The following NSUN6 variants were observed in gnomAD, a reference collection of about 807,000 sequenced individuals.
The protein encoded by NSUN6 is NOP2/Sun RNA methyltransferase 6, also known as tRNA (cytosine(72)-C(5))-methyltransferase NSUN6.
Under a neutral mutation model 58.0 loss-of-function variants are expected in NSUN6, and 64 were observed. That is an observed-to-expected ratio of 1.10 (90% CI 0.90 to 1.36). The LOEUF is 1.36. Among genes scored for constraint, NSUN6 ranks in the 40% most tolerant of loss-of-function variants. NSUN6 has a pLI of 0.00. For synonymous variants in NSUN6, 231 were observed against 193.9 expected, an observed-to-expected ratio of 1.19 and a Z score of -1.59; for missense variants, 701 against 550.1, an observed-to-expected ratio of 1.27 and a Z score of -2.74.
At chr10:18,555,766 A>G (rs2054957273) in intron 8 of NSUN6, among the ~76,000 whole-genome samples, 2 of 147,400 alleles carry the variant, frequency 1.4e-5, no homozygotes, top group South Asian at 4.4e-4. Context: ...GAGAATGGAA[A>G]AGAGCGGAAT....
At chr10:18,655,825 G>A (rs1339952391), upstream of NSUN6, among the ~76,000 whole-genome samples, 3 of 152,170 alleles carry the variant, frequency 2.0e-5, no homozygotes, top group Non-Finnish European at 2.9e-5. Context: ...TACAAGCTTT[G>A]AAGTACCTGT....
intron 6 of NSUN6, among the ~76,000 whole-genome samples, chr10:18,601,480 C>T (rs1171956579): frequency 6.6e-6 from 1 of 151,652 alleles, no homozygotes; most frequent in Non-Finnish European, 1.5e-5. Flanking sequence ...CTCCCTTTAA[C>T]CTCAAAGCTC....
chr10:18,588,526 G>C (rs940357404), intron 7 of NSUN6, among the ~76,000 whole-genome samples: 1 of 152,210 alleles, frequency 6.6e-6, no homozygotes, highest in Non-Finnish European at 1.5e-5. Flanking sequence ...TCATGCAGGA[G>C]AGTTCCAGCT....
chr10:18,640,995 A>C (rs2059376250), intron 3 of NSUN6, among the ~76,000 whole-genome samples: 1 of 152,134 alleles, frequency 6.6e-6, no homozygotes, highest in African/African-American at 2.4e-5. Context: ...TTTACATGTA[A>C]ATAAATATAC....
rs773043291 is a variant in NSUN6 at position 18,648,485 on chromosome 10, C to A, written c.231+5G>T. ...ATGTACAAATGACAGAAAATTTCCA[C>A]AAACCTTCTGAAGTTCATCAAGTAA... On this transcript the variant is annotated splice_donor_5th_base_variant and intron_variant, in intron 2 of 10. Transcript: ENST00000377304. The A allele has an allele frequency of 4.4e-6, 7 of 1,580,648 alleles. No individual in the cohort carries two copies. Among genetic ancestry groups the A allele is most frequent in the Non-Finnish European group, 6.0e-6 (7 of 1,157,918 alleles).
In NSUN6 at chr10:18,563,167, T is replaced by A. The variant is rs575382426; in HGVS notation, c.923-11196A>T. 8.9e-5 allele frequency among the ~76,000 whole-genome samples: 8 copies of A among 90,284 alleles called. No homozygotes were observed. In the Admixed American group the frequency reaches 9.6e-4, roughly 11 times the overall value. The allele number at this position is 90,284 out of a possible 152,430, so 59.2% of individuals were successfully genotyped here. ...ATGGAGAGTGGAACAAAATGGAGAA[T>A]GGAATGGAATGGAGAATGGTATGGA... is the stretch of plus-strand genomic sequence containing the variant. On this transcript the variant is annotated intron_variant, in intron 8 of 10. Transcript: ENST00000377304.
chr10:18,558,926 T>A (rs540124660), intron 8 of NSUN6, among the ~76,000 whole-genome samples: 1 of 150,252 alleles, frequency 6.7e-6, no homozygotes, highest in African/African-American at 2.5e-5. Flanking sequence ...GAATTGAGAA[T>A]GGACTGGACA....
chr10:18,582,056 C>G (rs961918140), intron 8 of NSUN6, among the ~76,000 whole-genome samples: 2 of 152,102 alleles, frequency 1.3e-5, no homozygotes, highest in Non-Finnish European at 2.9e-5. Flanking sequence ...TCTTCCCTTA[C>G]CAGCCGAAAG....
intron 7 of NSUN6, among the ~76,000 whole-genome samples, chr10:18,589,766 T>C (rs1345827657): frequency 1.3e-5 from 2 of 152,002 alleles, no homozygotes; most frequent in African/African-American, 4.8e-5. Flanking sequence ...AAGCACTAAA[T>C]ATGGAAAGGA....
chr10:18,651,979 G>A, upstream of NSUN6: 20 of 985,370 alleles, frequency 2.0e-5, no homozygotes, highest in Non-Finnish European at 2.4e-5. Flanking sequence ...GAATTTGGGC[G>A]CATCAGCCAC....
intron 8 of NSUN6, among the ~76,000 whole-genome samples, chr10:18,562,092 G>A (rs575860521): frequency 6.7e-6 from 1 of 149,602 alleles, no homozygotes; most frequent in Non-Finnish European, 1.5e-5. Context: ...GGAGAATGGA[G>A]TGGAATGGAA....
At position 18,648,561 on chromosome 10, in the gene NSUN6, T is replaced by C. The variant is rs1433926130; in HGVS notation, c.160A>G (p.Thr54Ala). 6 of 1,606,114 alleles carry C rather than the reference T, an allele frequency of 3.7e-6. No individual in the cohort carries two copies. Among genetic ancestry groups the C allele is most frequent in the South Asian group, 1.1e-5 (1 of 90,868 alleles). ...GCTAAATGTGTATTCACTCTGACAG[T>C]TGTAAATGATGGAGGATGTGACAGG... ...KHLSHPPSFT[T>A]VRVNTHLASV... The change falls in exon 2 of 11, where the codon ACT becomes GCT. Residue 54 changes from threonine (T) to alanine (A), a missense_variant. Transcript: ENST00000377304.
intron 3 of NSUN6, among the ~76,000 whole-genome samples, chr10:18,638,821 G>A (rs1407706013): frequency 1.6e-4 from 24 of 151,896 alleles, no homozygotes; most frequent in East Asian, 1.9e-4. Flanking sequence ...CTAAGTGACT[G>A]TACTCACCAA....
intron 8 of NSUN6, among the ~76,000 whole-genome samples, chr10:18,554,027 T>C (rs1392471688): frequency 2.0e-5 from 3 of 149,990 alleles, no homozygotes; most frequent in Admixed American, 6.7e-5. Context: ...TGGAATGGCA[T>C]AGAGAATGAA....
upstream of NSUN6, chr10:18,652,554 A>G: frequency 2.1e-6 from 2 of 968,648 alleles, no homozygotes; most frequent in Non-Finnish European, 2.5e-6. Flanking sequence ...CAAGTTGTTT[A>G]TCATTTTCTC....
intron 8 of NSUN6, among the ~76,000 whole-genome samples, chr10:18,555,906 A>AGAATGGAATG (rs142462616): frequency 0.3 from 41,556 of 139,916 alleles, 6,540 homozygotes; most frequent in Non-Finnish European, 0.35. Context: ...AATGGAATGG[A>AGAATGGAATG]GAATGGAATG....
intron 3 of NSUN6, among the ~76,000 whole-genome samples, 168 bp from the exon 4 acceptor site, chr10:18,616,461 C>T (rs1227151370): frequency 1.3e-5 from 2 of 152,034 alleles, no homozygotes; most frequent in Non-Finnish European, 2.9e-5. Flanking sequence ...GAAAAAACAG[C>T]AACACGAAGA....
chr10:18,614,862 C>A (rs1223161734), intron 4 of NSUN6, among the ~76,000 whole-genome samples: 2 of 152,048 alleles, frequency 1.3e-5, no homozygotes, highest in Non-Finnish European at 2.9e-5. Context: ...AAACATCCTA[C>A]CCTCAACTGG....
At chr10:18,549,903 C>G (rs1435799528) in intron 9 of NSUN6, among the ~76,000 whole-genome samples, 1 of 152,170 alleles carries the variant, frequency 6.6e-6, no homozygotes, top group East Asian at 1.9e-4. Flanking sequence ...ATAACAACCA[C>G]AAAGTAAGAT....
Sources: gnomAD v4.1 joint callset for allele counts (sites outside exome capture counted in the v4.1 genomes callset) on GRCh38, gnomAD v4.1.1 for gene constraint, MANE v1.5 for transcripts, NCBI Gene and HGNC (gene_info 2026-07-23, HGNC 2026-07-21) for gene names.